Variants in LIMK2 observed in about 807,000 individuals in gnomAD.
LIMK2 encodes the protein LIM domain kinase 2.
In LIMK2, 35 loss-of-function variants were observed where a neutral mutation model predicts 75.7. The observed-to-expected ratio is 0.46, with a 90% CI of 0.35 to 0.61. LIMK2 has a LOEUF of 0.61. Ranked by LOEUF, LIMK2 falls within the 20% of genes least tolerant of loss-of-function variation. The pLI is 0.00. For synonymous variants in LIMK2, 301 were observed against 319.2 expected (o/e 0.94, Z 0.61); for missense variants, 623 against 831.0 (o/e 0.75, Z 3.08).
At chr22:31,266,221 C>T (rs1483151811) in intron 8 of LIMK2, 89 bp downstream of exon 8, 3 of 1,324,550 alleles carry the variant, frequency 2.3e-6, no homozygotes, top group African/African-American at 1.5e-5. Flanking sequence ...GGCCCCACCC[C>T]ACACCATGCA....
intron 1 of LIMK2, among the ~76,000 whole-genome samples, chr22:31,220,940 G>C (rs2048428378): frequency 6.6e-6 from 1 of 152,006 alleles, no homozygotes; most frequent in South Asian, 2.1e-4. Context: ...CTCCAGCCTG[G>C]GCAACAAAAG....
At chr22:31,258,931 G>C in intron 3 of LIMK2, 190 bp from the exon 4 acceptor site, 3 of 542,456 alleles carry the variant, frequency 5.5e-6, no homozygotes, top group Non-Finnish European at 1.0e-5. Context: ...ACAGTTTTGT[G>C]CAGTCTCAGA....
intron 2 of LIMK2, among the ~76,000 whole-genome samples, chr22:31,244,111 G>C (rs1280108143): frequency 6.6e-6 from 1 of 152,212 alleles, no homozygotes; most frequent in Non-Finnish European, 1.5e-5. Context: ...CAAGTCCTTT[G>C]TAAGAGGAGT....
chr22:31,228,883 G>A (rs2048501157), intron 2 of LIMK2, among the ~76,000 whole-genome samples: 1 of 152,114 alleles, frequency 6.6e-6, no homozygotes, highest in African/African-American at 2.4e-5. Context: ...TATCAAGGCT[G>A]TAGTGAGCTG....
chr22:31,235,307 A>G lies in LIMK2; in HGVS notation c.116+9488A>G, dbSNP rs974658956. Among the ~76,000 whole-genome samples the G allele has an allele frequency of 5.9e-5, 9 of 152,278 alleles. No homozygotes were observed. The East Asian group carries it at 1.7e-3, about 29-fold the overall frequency. ...TTCCTATAGCAGCCACCGTGGCTGC[A>G]GTTACTGTAAATGGCAAGACGGAAT... On this transcript the variant is annotated intron_variant, in intron 2 of 15. Coordinates refer to ENST00000331728, the MANE Select transcript of LIMK2 (RefSeq NM_005569.4).
intron 9 of LIMK2, 138 bp from the exon 10 acceptor site, chr22:31,267,638 T>G (rs933091425): frequency 1.3e-5 from 12 of 905,384 alleles, no homozygotes; most frequent in Non-Finnish European, 1.8e-5. Flanking sequence ...ATCCTGATCT[T>G]AGTGCCCTGT....
intron 2 of LIMK2, among the ~76,000 whole-genome samples, chr22:31,236,619 A>AC (rs2123793633): frequency 6.6e-6 from 1 of 151,508 alleles, no homozygotes; most frequent in East Asian, 2.0e-4. Flanking sequence ...AAAAAAAAAA[A>AC]AAAAAAGAAA....
intron 2 of LIMK2, among the ~76,000 whole-genome samples, chr22:31,235,278 A>G (rs2123791069): frequency 6.6e-6 from 1 of 152,092 alleles, no homozygotes; most frequent in South Asian, 2.1e-4. Flanking sequence ...CCTTCCCCAC[A>G]TCCTTCCTAT....
At chr22:31,257,040 ATTTTTTTTTTTTTTTTTTT>A (rs529919320) in intron 2 of LIMK2, among the ~76,000 whole-genome samples, 97 of 75,064 alleles carry the variant, frequency 1.3e-3, no homozygotes, top group Admixed American at 2.2e-3. Flanking sequence ...GGAGCTATAG[ATTTTTTTTTTTTTTTTTTT>A]TTTTTTTTTT....
intron 9 of LIMK2, 132 bp from the exon 10 acceptor site, chr22:31,267,644 C>T (rs1281532293): frequency 1.0e-6 from 1 of 954,042 alleles, no homozygotes; most frequent in Non-Finnish European, 1.5e-6. Flanking sequence ...ATCTTAGTGC[C>T]CTGTCATATC....
chr22:31,273,617 A>C, intron 14 of LIMK2, 110 bp downstream of exon 14: 2 of 825,392 alleles, frequency 2.4e-6, no homozygotes. Context: ...TAAAATCAAC[A>C]TGGGTGTAGG....
At chr22:31,265,508 A>G (rs1466120819) in intron 7 of LIMK2, among the ~76,000 whole-genome samples, 1 of 152,064 alleles carries the variant, frequency 6.6e-6, no homozygotes, top group Admixed American at 6.6e-5. Flanking sequence ...ACTGCACTCC[A>G]GCCTGGTTGA....
chr22:31,240,323 C>T (rs991999282), intron 2 of LIMK2, among the ~76,000 whole-genome samples: 1 of 152,114 alleles, frequency 6.6e-6, no homozygotes, highest in Non-Finnish European at 1.5e-5. Context: ...GCAGAAGCAC[C>T]GTTTCTGAAG....
intron 1 of LIMK2, 49 bp downstream of exon 1, chr22:31,212,473 G>C (rs776739574): frequency 2.3e-6 from 3 of 1,314,450 alleles, no homozygotes; most frequent in Non-Finnish European, 2.0e-6. Flanking sequence ...CCGAAGTCCG[G>C]TTCCATGGCG....
intron 7 of LIMK2, among the ~76,000 whole-genome samples, chr22:31,264,506 A>G (rs17833442): frequency 0.027 from 4,053 of 152,354 alleles, 63 homozygotes; most frequent in Non-Finnish European, 0.04. Context: ...GACCATGACT[A>G]TTATCGACCG....
At position 31,263,771 on chromosome 22, in the gene LIMK2, G is replaced by A. The variant is rs148978711; in HGVS notation, c.854+980G>A. ...CCAGCACTTTGGGAGGCCAAGGCCG[G>A]AGGATTGCTTGAGGCCAGGAGTTCA... On this transcript the variant is annotated intron_variant, in intron 7 of 15. Transcript: ENST00000331728. Among the ~76,000 whole-genome samples, 290 of 152,358 alleles carry A rather than the reference G, an allele frequency of 1.9e-3. 1 individual carries two copies. Among genetic ancestry groups the A allele is most frequent in the South Asian group, 3.9e-3 (19 of 4,832 alleles).
chr22:31,218,076 G>A (rs978774566), intron 1 of LIMK2, among the ~76,000 whole-genome samples: 3 of 152,130 alleles, frequency 2.0e-5, no homozygotes, highest in Admixed American at 6.5e-5. Flanking sequence ...AGATACACAC[G>A]CAGGAAGGAA....
chr22:31,249,514 T>C (rs964836784), intron 2 of LIMK2, among the ~76,000 whole-genome samples: 1 of 152,112 alleles, frequency 6.6e-6, no homozygotes, highest in Non-Finnish European at 1.5e-5. Flanking sequence ...TCTTTGCTCA[T>C]TGCCCCACTC....
chr22:31,274,001 GTTTT>G (rs57281983), intron 14 of LIMK2, among the ~76,000 whole-genome samples: 19 of 139,550 alleles, frequency 1.4e-4, no homozygotes, highest in South Asian at 9.3e-4. Context: ...GCCCGGCCAG[GTTTT>G]TTTTTTTTTT....
Sources: gnomAD v4.1 joint callset for allele counts (sites outside exome capture counted in the v4.1 genomes callset) on GRCh38, gnomAD v4.1.1 for gene constraint, MANE v1.5 for transcripts, NCBI Gene and HGNC (gene_info 2026-07-23, HGNC 2026-07-21) for gene names.